Variants in FOXO1 observed in about 807,000 individuals in gnomAD.
FOXO1 encodes forkhead box protein O1.
FOXO1 carries 6 observed loss-of-function variants against 44.1 expected under a neutral mutation model. The ratio of observed to expected loss-of-function variants is 0.14; its 90% CI spans 0.07 to 0.27. FOXO1 has a LOEUF of 0.27. Ranked by LOEUF, FOXO1 falls within the 10% of genes least tolerant of loss-of-function variation. The pLI is 1.00. For synonymous variants in FOXO1, 380 were observed against 362.7 expected (o/e 1.05, Z -0.54); for missense variants, 737 against 888.8 (o/e 0.83, Z 2.17).
intron 1 of FOXO1, among the ~76,000 whole-genome samples, chr13:40,596,814 G>A (rs188698075): frequency 1.3e-3 from 198 of 152,296 alleles, no homozygotes; most frequent in African/African-American, 4.6e-3. Context: ...AAGCACTGTA[G>A]TATACTGAAA....
intron 1 of FOXO1, among the ~76,000 whole-genome samples, chr13:40,647,781 T>C (rs1040622936): frequency 4.6e-5 from 7 of 152,178 alleles, no homozygotes; most frequent in Non-Finnish European, 7.3e-5. Flanking sequence ...CCCTGCTATA[T>C]AGCTTCTGGT....
rs1482440466 is a variant in FOXO1 at position 40,665,932 on chromosome 13, A to G, written c.281T>C (p.Val94Ala). The G allele has an allele frequency of 1.1e-5, 13 of 1,211,828 alleles. No individual in the cohort carries two copies. The highest frequency in any genetic ancestry group is 4.4e-5 in the Admixed American group (1 of 22,572). 75.1% of individuals were successfully genotyped at this position (1,211,828 alleles called of 1,614,324 possible). A position where few individuals can be genotyped will look rare whatever the true frequency, so the allele number is the denominator to read the frequency against. ...GGCGGCCGCGGCGGCCGCCGCCGCCACCGCCGCCGCCACGGAGCCGGGCGC... is the reference window on the plus strand; with the variant it reads ...GGCGGCCGCGGCGGCCGCCGCCGCCGCCGCCGCCGCCACGGAGCCGGGCGC... ...PQAPGSVAAA[V>A]AAAAAAAATG... is the part of the protein sequence containing the mutation. The change falls in exon 1 of 3, where the codon GTG becomes GCG. Residue 94 changes from valine (V) to alanine (A), a missense_variant. By Grantham distance (64) the Val-to-Ala change is moderately conservative. Transcript: ENST00000379561.
At chr13:40,641,864 T>C (rs533801358) in intron 1 of FOXO1, among the ~76,000 whole-genome samples, 22 of 152,218 alleles carry the variant, frequency 1.4e-4, no homozygotes, top group Non-Finnish European at 2.6e-4. Context: ...CGCATACTTG[T>C]AATCCCAGCT....
intron 1 of FOXO1, among the ~76,000 whole-genome samples, chr13:40,565,259 G>A (rs1037910384): frequency 1.3e-5 from 2 of 152,188 alleles, no homozygotes. Flanking sequence ...ATGAAGGAAT[G>A]AGACACAGAA....
At chr13:40,639,524 GA>G (rs1877279212) in intron 1 of FOXO1, among the ~76,000 whole-genome samples, 1 of 152,188 alleles carries the variant, frequency 6.6e-6, no homozygotes, top group South Asian at 2.1e-4. Flanking sequence ...TTTCATGCAG[GA>G]AAAAAATAAA....
chr13:40,665,218 G>A (rs1485482611), intron 1 of FOXO1, among the ~76,000 whole-genome samples: 2 of 152,084 alleles, frequency 1.3e-5, no homozygotes, highest in African/African-American at 4.8e-5. Flanking sequence ...GTCCGGGAGG[G>A]AAGGGGCAGC....
At chr13:40,610,633 A>G (rs1448903726) in intron 1 of FOXO1, among the ~76,000 whole-genome samples, 6 of 152,242 alleles carry the variant, frequency 3.9e-5, no homozygotes, top group Non-Finnish European at 8.8e-5. Flanking sequence ...AGGAAAATAT[A>G]AAAATAACTA....
chr13:40,653,911 G>C (rs558910107), intron 1 of FOXO1, among the ~76,000 whole-genome samples: 31 of 152,252 alleles, frequency 2.0e-4, no homozygotes, highest in African/African-American at 7.5e-4. Flanking sequence ...AACATAGTAA[G>C]AGTAGAGAGT....
intron 1 of FOXO1, among the ~76,000 whole-genome samples, chr13:40,647,500 G>A (rs1020354842): frequency 6.6e-6 from 1 of 152,064 alleles, no homozygotes; most frequent in Admixed American, 6.6e-5. Context: ...CACTTCCTGG[G>A]TTCAAGCAAT....
At chr13:40,622,761 T>C (rs1352915624) in intron 1 of FOXO1, among the ~76,000 whole-genome samples, 1 of 152,208 alleles carries the variant, frequency 6.6e-6, no homozygotes, top group Non-Finnish European at 1.5e-5. Flanking sequence ...AGTTAAACTA[T>C]TTTTTATCAT....
At chr13:40,649,221 G>C (rs1246510843) in intron 1 of FOXO1, among the ~76,000 whole-genome samples, 1 of 152,168 alleles carries the variant, frequency 6.6e-6, no homozygotes, top group African/African-American at 2.4e-5. Context: ...ACACAGTTAA[G>C]GATCACAGAC....
intron 1 of FOXO1, among the ~76,000 whole-genome samples, chr13:40,596,628 A>T (rs1875586911): frequency 6.6e-6 from 1 of 152,208 alleles, no homozygotes; most frequent in African/African-American, 2.4e-5. Context: ...GCCAGTGAGC[A>T]TCTAGGGTTA....
intron 1 of FOXO1, among the ~76,000 whole-genome samples, chr13:40,627,119 A>AT (rs2137908853): frequency 6.6e-6 from 1 of 152,262 alleles, no homozygotes; most frequent in South Asian, 2.1e-4. Context: ...GTCCATCCCT[A>AT]TCCAAGCAAT....
intron 1 of FOXO1, among the ~76,000 whole-genome samples, chr13:40,625,905 G>C (rs1228469926): frequency 6.6e-6 from 1 of 152,162 alleles, no homozygotes; most frequent in African/African-American, 2.4e-5. Context: ...TCAAACAAAA[G>C]AGTTTTAAAT....
chr13:40,574,023 C>G (rs1874645584), intron 1 of FOXO1, among the ~76,000 whole-genome samples: 1 of 152,210 alleles, frequency 6.6e-6, no homozygotes, highest in African/African-American at 2.4e-5. Flanking sequence ...AGCGTTTTCA[C>G]TTTCAATTTC....
chr13:40,652,441 T>C (rs1032042822), intron 1 of FOXO1, among the ~76,000 whole-genome samples: 8 of 152,162 alleles, frequency 5.3e-5, no homozygotes, highest in Admixed American at 4.6e-4. Context: ...TTTCGCCATG[T>C]GGCCCAGGCT....
rs184872976 is a variant in FOXO1 at position 40,666,299 on chromosome 13, G to A, written c.-87C>T. On this transcript the variant is annotated 5_prime_UTR_variant, in exon 1 of 3. Transcript: ENST00000379561. ...GGCGGACGGGGAGGGGGCGCGAAGG[G>A]ACGGTCCGAGATTTGGGGGAACGAA... 2,305 of 1,142,670 alleles carry A rather than the reference G, an allele frequency of 2.0e-3. 44 individuals are homozygous for A. The African/African-American group carries it at 0.033, about 17-fold the overall frequency. 70.8% of individuals were successfully genotyped at this position (1,142,670 alleles called of 1,614,324 possible).
intron 1 of FOXO1, among the ~76,000 whole-genome samples, chr13:40,604,063 T>A (rs555309731): frequency 6.6e-6 from 1 of 152,240 alleles, no homozygotes; most frequent in Non-Finnish European, 1.5e-5. Context: ...CAGAAATTTA[T>A]CCCGAACAAT....
Position 40,590,683 on chromosome 13 carries a change from T to C in FOXO1, c.631-29823A>G, listed in dbSNP as rs191630994. The stretch of plus-strand genomic sequence containing the variant: ...GCTCAGCTTTGCCGTCAACGGGAGA[T>C]GTGGAGATATGCTGCAATATCGTTC... On this transcript the variant is annotated intron_variant, in intron 1 of 2. Coordinates refer to ENST00000379561, the MANE Select transcript of FOXO1 (RefSeq NM_002015.4). Among the ~76,000 whole-genome samples the C allele has an allele frequency of 7.2e-5, 11 of 152,336 alleles. No homozygotes were observed. The East Asian group carries it at 1.9e-3, about 27-fold the overall frequency.
Sources: gnomAD v4.1 joint callset for allele counts (sites outside exome capture counted in the v4.1 genomes callset) on GRCh38, gnomAD v4.1.1 for gene constraint, MANE v1.5 for transcripts, NCBI Gene and HGNC (gene_info 2026-07-23, HGNC 2026-07-21) for gene names.